LRP6: variants seen among roughly 807,000 people sequenced by gnomAD.
LRP6 encodes LDL receptor related protein 6.
In LRP6, 43 loss-of-function variants were observed where a neutral mutation model predicts 184.1. The observed-to-expected ratio is 0.23, with a 90% CI of 0.18 to 0.30. The LOEUF (loss-of-function observed/expected upper bound fraction) is 0.30, where lower values mean the gene tolerates loss of function less well. Ranked by LOEUF, LRP6 falls within the 10% of genes least tolerant of loss-of-function variation. The pLI is 1.00. For synonymous variants in LRP6, 719 were observed against 684.9 expected, an observed-to-expected ratio of 1.05 and a Z score of -0.78; for missense variants, 1,571 against 2,005.3, an observed-to-expected ratio of 0.78 and a Z score of 4.14.
intron 3 of LRP6, among the ~76,000 whole-genome samples, chr12:12,194,902 A>T (rs1293195745): frequency 6.6e-6 from 1 of 151,928 alleles, no homozygotes; most frequent in African/African-American, 2.4e-5. Flanking sequence ...TCTACTCTTT[A>T]CTTTTGCAAG....
chr12:12,237,732 A>T (rs1351409810), intron 2 of LRP6, among the ~76,000 whole-genome samples: 1 of 152,242 alleles, frequency 6.6e-6, no homozygotes, highest in East Asian at 1.9e-4. Context: ...ACGTTCTACA[A>T]ATGACTGGCC....
chr12:12,164,020 C>T (rs1430918397), intron 9 of LRP6, among the ~76,000 whole-genome samples: 1 of 151,884 alleles, frequency 6.6e-6, no homozygotes, highest in Non-Finnish European at 1.5e-5. Context: ...GTCCTAGCTG[C>T]TCGGGAGGCT....
chr12:12,193,841 G>A (rs537522920), intron 3 of LRP6, among the ~76,000 whole-genome samples: 45 of 151,992 alleles, frequency 3.0e-4, no homozygotes, highest in Non-Finnish European at 4.7e-4. Flanking sequence ...AATATCTTCC[G>A]ACTCTATGAG....
Position 12,159,907 on chromosome 12 carries a change from A to C in LRP6, c.2337T>G (p.Asp779Glu), listed in dbSNP as rs775065317. ...GKPKIDRAAM[D>E]GSERTTLVPN... The stretch of plus-strand genomic sequence containing the variant: ...GAACTAAGGTAGTACGTTCACTTCC[A>C]TCCATTGCAGCTCTGTCTATCTTAG... The change falls in exon 11 of 23, where the codon GAT becomes GAG. Residue 779 changes from aspartate to glutamate, a missense_variant. Asp to Glu is a conservative substitution (Grantham distance 45). Transcript: ENST00000261349. 1 of 1,614,060 alleles carries C rather than the reference A, an allele frequency of 6.2e-7. No homozygotes were observed. Among genetic ancestry groups the C allele is most frequent in the Non-Finnish European group, 8.5e-7 (1 of 1,179,974 alleles).
Position 12,117,573 on chromosome 12 carries a change from T to C in LRP6, c.*3553A>G, listed in dbSNP as rs181013292. ...TCAAAATATGACATTTCTAAGAATCTAATCTAGGCAGCTGCAGCCTGTTTA... is the reference window on the plus strand; with the variant it reads ...TCAAAATATGACATTTCTAAGAATCCAATCTAGGCAGCTGCAGCCTGTTTA... On this transcript the variant is annotated 3_prime_UTR_variant, in exon 23 of 23. Coordinates refer to ENST00000261349, the MANE Select transcript of LRP6 (RefSeq NM_002336.3). The C allele has an allele frequency of 2.0e-5, 3 of 152,376 alleles. No individual in the cohort carries two copies. Among genetic ancestry groups the C allele is most frequent in the Admixed American group, 2.0e-4 (3 of 15,304 alleles). The allele number at this position is 152,376 out of a possible 1,614,324, so 9.4% of individuals were successfully genotyped here.
At chr12:12,164,155 T>G in intron 9 of LRP6, 118 bp downstream of exon 9, 1 of 924,694 alleles carries the variant, frequency 1.1e-6, no homozygotes, top group African/African-American at 1.7e-5. Flanking sequence ...ACTTGAGGGT[T>G]TTTGTTGAAC....
chr12:12,179,878 T>C lies in LRP6; in HGVS notation c.1477A>G (p.Asn493Asp), dbSNP rs1382933266. Residue 493 changes from asparagine to aspartate, a missense_variant, in exon 7 of 23, where the codon AAT becomes GAT. Physicochemically the swap from Asn to Asp is conservative, Grantham distance 23. Coordinates refer to ENST00000261349, the MANE Select transcript of LRP6 (RefSeq NM_002336.3). Reference protein sequence around the residue: ...VLVNTSLGWPNGLALDYDEGK... With the variant: ...VLVNTSLGWPDGLALDYDEGK... ...TCATCATAATCCAAGGCTAAACCATTTGGCCAACCAAGAGAAGTGTTAACC... is the reference window on the plus strand; with the variant it reads ...TCATCATAATCCAAGGCTAAACCATCTGGCCAACCAAGAGAAGTGTTAACC... 3 of 1,613,842 alleles carry C rather than the reference T, an allele frequency of 1.9e-6. No individual in the cohort carries two copies. Among genetic ancestry groups the C allele is most frequent in the Non-Finnish European group, 2.5e-6 (3 of 1,179,896 alleles).
chr12:12,199,348 A>T (rs948411566), intron 3 of LRP6, among the ~76,000 whole-genome samples: 6 of 152,196 alleles, frequency 3.9e-5, no homozygotes, highest in African/African-American at 1.4e-4. Context: ...TCCATTGTTG[A>T]ATACACTGGC....
chr12:12,234,908 CT>C (rs1265835051), intron 2 of LRP6, among the ~76,000 whole-genome samples: 1 of 151,338 alleles, frequency 6.6e-6, no homozygotes, highest in Non-Finnish European at 1.5e-5. Flanking sequence ...CACGTATCAA[CT>C]CATTTGTACA....
At chr12:12,219,243 C>T (rs1421332962) in intron 2 of LRP6, among the ~76,000 whole-genome samples, 1 of 152,150 alleles carries the variant, frequency 6.6e-6, no homozygotes, top group East Asian at 1.9e-4. Flanking sequence ...CTCACTCTGT[C>T]GCCCAGGCTG....
intron 1 of LRP6, among the ~76,000 whole-genome samples, chr12:12,254,143 CAAAAAAAA>C (rs34210761): frequency 6.7e-5 from 5 of 74,374 alleles, no homozygotes; most frequent in South Asian, 6.7e-4. Context: ...GACTCTGTCT[CAAAAAAAA>C]AAAAAAAAAA....
intron 10 of LRP6, among the ~76,000 whole-genome samples, chr12:12,161,711 T>C (rs975894123): frequency 6.6e-6 from 1 of 152,246 alleles, no homozygotes; most frequent in African/African-American, 2.4e-5. Context: ...TTCTATCTTG[T>C]AATAACAAAG....
chr12:12,219,642 G>A (rs1319457300), intron 2 of LRP6, among the ~76,000 whole-genome samples: 2 of 152,180 alleles, frequency 1.3e-5, no homozygotes, highest in African/African-American at 4.8e-5. Context: ...TTCACAAAAT[G>A]TTCTTTCATG....
intron 3 of LRP6, 128 bp from the exon 4 acceptor site, chr12:12,187,247 T>C (rs1423459713): frequency 1.1e-5 from 8 of 742,722 alleles, no homozygotes; most frequent in Admixed American, 6.2e-5. Flanking sequence ...TACATACCAA[T>C]AGGTCAAATA....
chr12:12,125,710 G>A (rs1949663489), intron 20 of LRP6, among the ~76,000 whole-genome samples: 1 of 152,070 alleles, frequency 6.6e-6, no homozygotes, highest in Admixed American at 6.6e-5. Flanking sequence ...TTTAAAATAA[G>A]GGCTTTTCAA....
At chr12:12,216,944 T>A (rs2135861451) in intron 2 of LRP6, among the ~76,000 whole-genome samples, 1 of 152,228 alleles carries the variant, frequency 6.6e-6, no homozygotes, top group South Asian at 2.1e-4. Flanking sequence ...CTAATTTGTT[T>A]CTCTGCTTTT....
At chr12:12,208,014 C>G (rs1461345960) in intron 2 of LRP6, among the ~76,000 whole-genome samples, 1 of 152,156 alleles carries the variant, frequency 6.6e-6, no homozygotes, top group Non-Finnish European at 1.5e-5. Context: ...AAACACACAA[C>G]AATGGCAACA....
Position 12,266,983 on chromosome 12 carries a change from G to T in LRP6, c.-248C>A, listed in dbSNP as rs1027241280. On this transcript the variant is annotated 5_prime_UTR_variant, in exon 1 of 23. Transcript: ENST00000261349. Reference sequence around the variant, plus strand: ...CCATCCCGCCGCCTCCTCCCCCGGCGCCCCGCTTCCCCCGCGCAGCTCCTC... The same window carrying T: ...CCATCCCGCCGCCTCCTCCCCCGGCTCCCCGCTTCCCCCGCGCAGCTCCTC... 5.3e-5 allele frequency: 28 copies of T among 533,072 alleles called. 1 individual carries two copies. Among genetic ancestry groups the T allele is most frequent in the South Asian group, 4.7e-4 (20 of 42,576 alleles). The allele number at this position is 533,072 out of a possible 1,614,324, so 33.0% of individuals were successfully genotyped here. A position where few individuals can be genotyped will look rare whatever the true frequency, so the allele number is the denominator to read the frequency against.
intron 7 of LRP6, among the ~76,000 whole-genome samples, chr12:12,165,694 G>A (rs1454961892): frequency 1.3e-5 from 2 of 151,874 alleles, no homozygotes; most frequent in Non-Finnish European, 2.9e-5. Flanking sequence ...ATTTTATCTT[G>A]AGAGCTTTGC....
Sources: gnomAD v4.1 joint callset for allele counts (sites outside exome capture counted in the v4.1 genomes callset) on GRCh38, gnomAD v4.1.1 for gene constraint, MANE v1.5 for transcripts, NCBI Gene and HGNC (gene_info 2026-07-23, HGNC 2026-07-21) for gene names.